CNOT3: variants seen among roughly 807,000 people sequenced by gnomAD.
CNOT3 encodes CCR4-associated factor 3.
Under a neutral mutation model 89.4 loss-of-function variants are expected in CNOT3, and 2 were observed. That is an observed-to-expected ratio of 0.02 (90% CI 0.01 to 0.07). CNOT3 has a LOEUF of 0.07. Ranked by LOEUF, CNOT3 falls within the 10% of genes least tolerant of loss-of-function variation. The pLI is 1.00. For synonymous variants in CNOT3, 486 were observed against 402.0 expected, an observed-to-expected ratio of 1.21 and a Z score of -2.50; for missense variants, 664 against 1,010.2, an observed-to-expected ratio of 0.66 and a Z score of 4.65.
Position 54,149,666 on chromosome 19 carries a change from C to G in CNOT3, c.1513C>G (p.Pro505Ala). The G allele has an allele frequency of 6.2e-7, 1 of 1,614,094 alleles. No homozygotes were observed. The highest frequency in any genetic ancestry group is 2.2e-5 in the East Asian group (1 of 44,874). Residue 505 changes from proline to alanine, a missense_variant, in exon 13 of 18, where the codon CCC becomes GCC. By Grantham distance (27) the Pro-to-Ala change is conservative (BLOSUM62 -1). Coordinates refer to ENST00000221232, the MANE Select transcript of CNOT3 (RefSeq NM_014516.4). The part of the protein sequence containing the change: ...SLLVPLPVNP[P>A]SSPTPSFSDA... ...CCTGGTGCCACTGCCTGTGAATCCT[C>G]CCAGCTCCCCAACGCCCAGCTTCAG... is the stretch of plus-strand genomic sequence containing the variant.
In CNOT3 at chr19:54,148,233, C is replaced by T. The variant is rs963556829; in HGVS notation, c.980C>T (p.Pro327Leu). 1.9e-6 allele frequency: 3 copies of T among 1,600,844 alleles called. No homozygotes were observed. The highest frequency in any genetic ancestry group is 2.6e-6 in the Non-Finnish European group (3 of 1,173,158). The change falls in exon 11 of 18, where the codon CCC becomes CTC. Residue 327 changes from proline to leucine, a missense_variant. By Grantham distance (98) the Pro-to-Leu change is moderately conservative. Around this residue, in one of 8 missense-constraint regions of CNOT3, gnomAD observed 545 missense variants for 566.2 expected, o/e 0.96. Coordinates refer to ENST00000221232, the MANE Select transcript of CNOT3 (RefSeq NM_014516.4). The surrounding 1 kb of genome is among the most constrained non-coding windows in gnomAD (Gnocchi z 6.3). The stretch of plus-strand genomic sequence containing the variant: ...GTGCCGCCCACCTACCCCTCCGGCC[C>T]CCCGCCTGCTGCCTCTGCCTTGAGC... ...PAVPPTYPSG[P>L]PPAASALSTT...
chr19:54,154,061 C>T (rs1323902590), intron 17 of CNOT3: 1 of 721,542 alleles, frequency 1.4e-6, no homozygotes, highest in Non-Finnish European at 2.6e-6. Context: ...GGTCTCAGCC[C>T]AAATGTCCCT....
intron 16 of CNOT3, chr19:54,153,259 C>A: frequency 1.3e-6 from 1 of 762,750 alleles, no homozygotes; most frequent in South Asian, 1.4e-5. Context: ...TCCAGTTGCC[C>A]ACTGGCTCAC....
chr19:54,155,000 C>T (rs1240714624), intron 17 of CNOT3: 1 of 460,142 alleles, frequency 2.2e-6, no homozygotes, highest in Non-Finnish European at 3.9e-6. Flanking sequence ...GTGAGAGGTG[C>T]TCAAAAGCCA....
In CNOT3 at chr19:54,152,897, G is replaced by T; in HGVS notation, c.1935G>T (p.Thr645=). 1.3e-6 allele frequency: 2 copies of T among 1,516,032 alleles called. No homozygotes were observed. The highest frequency in any genetic ancestry group is 1.8e-6 in the Non-Finnish European group (2 of 1,120,344). 93.9% of individuals were successfully genotyped at this position (1,516,032 alleles called of 1,614,324 possible). Residue 645 remains threonine (T), a synonymous_variant, in exon 16 of 18, where the codon ACG becomes ACT. Coordinates refer to ENST00000221232, the MANE Select transcript of CNOT3 (RefSeq NM_014516.4). ...ACCTCCCCCGGAACCCCTGTCCGAC[G>T]CCCCCCTACCACCACCAGATGCCAC... ...RQYLPRNPCP[T]PPYHHQMPPP...
In CNOT3 at chr19:54,148,303, A is replaced by C. The variant is rs777208855; in HGVS notation, c.1050A>C (p.Pro350=). Residue 350 remains proline (P), a synonymous_variant, in exon 11 of 18, where the codon CCA becomes CCC. Coordinates refer to ENST00000221232, the MANE Select transcript of CNOT3 (RefSeq NM_014516.4). The surrounding 1 kb of genome is among the most constrained non-coding windows in gnomAD (Gnocchi z 6.3). ...GGGTCCCCGCCCCCGCAGCACCCCC[A>C]AGTGCCCTGGGCCCCAAGGCCAGTC... ...NNGVPAPAAP[P]SALGPKASPA... The C allele has an allele frequency of 6.2e-7, 1 of 1,608,116 alleles. No homozygotes were observed. Among genetic ancestry groups the C allele is most frequent in the Non-Finnish European group, 8.5e-7 (1 of 1,176,960 alleles).
At chr19:54,146,883 A>G (rs1335518883) in intron 10 of CNOT3, among the ~76,000 whole-genome samples, 1 of 152,170 alleles carries the variant, frequency 6.6e-6, no homozygotes, top group Non-Finnish European at 1.5e-5. Context: ...GGCAGTCAGG[A>G]GATGCTGCTG....
chr19:54,145,178 C>A lies in CNOT3; in HGVS notation c.484-420C>A, dbSNP rs76607771. ...ACAATTCTAAACAGCAAGCTCCTCA[C>A]AAATGGGGGTTATCATTGTTACTGC... On this transcript the variant is annotated intron_variant, in intron 7 of 17. Transcript: ENST00000221232. This position sits in a 1 kb window ranked among gnomAD's most constrained non-coding sequence, Gnocchi z 5.9. Among the ~76,000 whole-genome samples the A allele has an allele frequency of 6.6e-6, 1 of 152,054 alleles. No individual in the cohort carries two copies. Among genetic ancestry groups the A allele is most frequent in the Non-Finnish European group, 1.5e-5 (1 of 68,008 alleles).
chr19:54,152,646 G>C lies in CNOT3; in HGVS notation c.1904+20G>C. On this transcript the variant is annotated intron_variant, in intron 15 of 17. Coordinates refer to ENST00000221232, the MANE Select transcript of CNOT3 (RefSeq NM_014516.4). The stretch of plus-strand genomic sequence containing the variant: ...TATTCGGTGAGGGGCCACAGGGAAG[G>C]GGGATGGTCTGGGACTTGAGTCTTA... 6.3e-7 allele frequency: 1 copy of C among 1,593,394 alleles called. No homozygotes were observed. Among genetic ancestry groups the C allele is most frequent in the Non-Finnish European group, 8.6e-7 (1 of 1,164,094 alleles).
Position 54,148,818 on chromosome 19 carries a change from C to T in CNOT3, c.1406+75C>T, listed in dbSNP as rs1215096404. ...GAGAGGCGCAGGCGCCTCACCCCCGCATCGGTGGGTTCTGAACCCCCCGCC... is the reference window on the plus strand; with the variant it reads ...GAGAGGCGCAGGCGCCTCACCCCCGTATCGGTGGGTTCTGAACCCCCCGCC... On this transcript the variant is annotated intron_variant, in intron 12 of 17. Coordinates refer to ENST00000221232, the MANE Select transcript of CNOT3 (RefSeq NM_014516.4). The surrounding 1 kb of genome is among the most constrained non-coding windows in gnomAD (Gnocchi z 6.3). 39 of 1,472,242 alleles carry T rather than the reference C, an allele frequency of 2.6e-5. No homozygotes were observed. The highest frequency in any genetic ancestry group is 3.2e-5 in the Non-Finnish European group (35 of 1,084,300). The allele number at this position is 1,472,242 out of a possible 1,614,324, so 91.2% of individuals were successfully genotyped here.
At chr19:54,154,807 T>TAC (rs1259430595) in intron 17 of CNOT3, 1 of 154,042 alleles carries the variant, frequency 6.5e-6, no homozygotes, top group African/African-American at 2.4e-5. Flanking sequence ...TCCAAGTTAG[T>TAC]ACATTTCAGG....
At chr19:54,143,339 G>A in intron 3 of CNOT3, 103 bp from the exon 4 acceptor site, 1 of 1,098,686 alleles carries the variant, frequency 9.1e-7, no homozygotes, top group Non-Finnish European at 1.4e-6. Flanking sequence ...TGGGGGTAGG[G>A]GTTGGGGGGG....
rs1416857640 is a variant in CNOT3 at position 54,149,761 on chromosome 19, G to A, written c.1605+3G>A. On this transcript the variant is annotated splice_donor_region_variant and intron_variant, in intron 13 of 17. Transcript: ENST00000221232. The stretch of plus-strand genomic sequence containing the variant: ...TCAGCACCGCCCCAGAAATCAAGGT[G>A]GGCTCCTCGGACATCCCCCGAGCCT... 3.8e-6 allele frequency: 6 copies of A among 1,599,394 alleles called. No individual in the cohort carries two copies. Among genetic ancestry groups the A allele is most frequent in the African/African-American group, 2.7e-5 (2 of 74,372 alleles).
rs1339264895 is a variant in CNOT3 at position 54,137,796 on chromosome 19, C to T, written c.-248C>T. 1 of 152,110 alleles carries T rather than the reference C, an allele frequency of 6.6e-6. No individual in the cohort carries two copies. The highest frequency in any genetic ancestry group is 2.4e-5 in the African/African-American group (1 of 41,418). The allele number at this position is 152,110 out of a possible 1,614,324, so 9.4% of individuals were successfully genotyped here. On this transcript the variant is annotated 5_prime_UTR_variant, in exon 1 of 18. Transcript: ENST00000221232. ...CGGGCCCGGTCAGCTTCCGCGGAGCCATCGGCAGACGCCGCGGCCTCCCTT... is the reference window on the plus strand; with the variant it reads ...CGGGCCCGGTCAGCTTCCGCGGAGCTATCGGCAGACGCCGCGGCCTCCCTT...
chr19:54,155,042 A>C, intron 17 of CNOT3: 1 of 534,718 alleles, frequency 1.9e-6, no homozygotes. Context: ...CTGTGCACTC[A>C]CACCTGGGGC....
intron 15 of CNOT3, 66 bp downstream of exon 15, chr19:54,152,692 C>A: frequency 7.4e-7 from 1 of 1,355,110 alleles, no homozygotes. Flanking sequence ...AGTGGCTGAA[C>A]CTGTGAGGCT....
rs745641513 is a variant in CNOT3, at chr19:54,152,319, G to A, written c.1699G>A (p.Glu567Lys). 1.8e-5 allele frequency: 29 copies of A among 1,614,042 alleles called. No homozygotes were observed. The highest frequency in any genetic ancestry group is 2.2e-5 in the East Asian group (1 of 44,890). Reference protein sequence around the residue: ...EDPVPTLHLTERDIILSSTSA... With the variant: ...EDPVPTLHLTKRDIILSSTSA... ...CCCTGTGCCAACGCTGCACCTGACC[G>A]AGCGAGGTGAGGGACCCAGGATGGT... Residue 567 changes from glutamate to lysine, a missense_variant, in exon 14 of 18, where the codon GAG (glutamate) becomes AAG (lysine). By Grantham distance (56) the Glu-to-Lys change is moderately conservative. This residue lies in a region of CNOT3 where 545 missense variants were observed against 566.2 expected (regional missense o/e 0.96). Coordinates refer to ENST00000221232, the MANE Select transcript of CNOT3 (RefSeq NM_014516.4).
At chr19:54,153,044 C>T (rs377056686) in intron 16 of CNOT3, 45 bp downstream of exon 16, 41 of 1,568,904 alleles carry the variant, frequency 2.6e-5, no homozygotes, top group African/African-American at 1.9e-4. Context: ...CCGGCTTCGC[C>T]GCCACCGCCG....
In CNOT3 at chr19:54,146,136, G is replaced by T. The variant is rs1405257051; in HGVS notation, c.837+93G>T. 5 of 1,388,698 alleles carry T rather than the reference G, an allele frequency of 3.6e-6. No individual in the cohort carries two copies. The Middle Eastern group carries it at 6.1e-4, about 168-fold the overall frequency. 86.0% of individuals were successfully genotyped at this position (1,388,698 alleles called of 1,614,324 possible). A position where few individuals can be genotyped will look rare whatever the true frequency, so the allele number is the denominator to read the frequency against. ...GTCACTCCAAAGTGGCTATGGGAGC[G>T]TAATTGAGGAAACACAGATCTAGGT... On this transcript the variant is annotated intron_variant, in intron 9 of 17. Coordinates refer to ENST00000221232, the MANE Select transcript of CNOT3 (RefSeq NM_014516.4).
Sources: allele counts gnomAD v4.1 joint callset (sites outside exome capture counted in the v4.1 genomes callset), GRCh38; gene constraint gnomAD v4.1.1; regional missense constraint gnomAD v4.1.1; non-coding constraint Gnocchi (gnomAD v3.1); transcripts MANE v1.5; gene names NCBI Gene and HGNC (gene_info 2026-07-23, HGNC 2026-07-21).